Variants in DENND1A observed in about 807,000 individuals in gnomAD.
DENND1A encodes DENN domain containing 1A, also known as DENN domain-containing protein 1A.
DENND1A carries 51 observed loss-of-function variants against 113.7 expected under a neutral mutation model. The observed-to-expected ratio is 0.45, with a 90% confidence interval of 0.36 to 0.57. DENND1A has a LOEUF of 0.57. DENND1A is among the 20% of genes least tolerant of loss of function. DENND1A has a pLI of 0.00. For synonymous variants in DENND1A, 565 were observed against 570.8 expected (o/e 0.99, Z 0.14); for missense variants, 1,258 against 1,395.9 (o/e 0.90, Z 1.57).
At chr9:123,438,933 C>T (rs1323332150) in intron 19 of DENND1A, among the ~76,000 whole-genome samples, 1 of 152,230 alleles carries the variant, frequency 6.6e-6, no homozygotes, top group Non-Finnish European at 1.5e-5. Flanking sequence ...TCCCTCTCCC[C>T]CGCCCCCTCT....
intron 5 of DENND1A, among the ~76,000 whole-genome samples, chr9:123,752,383 A>G (rs1325118950): frequency 6.6e-6 from 1 of 152,260 alleles, no homozygotes; most frequent in Non-Finnish European, 1.5e-5. Flanking sequence ...CAGCATCTTG[A>G]GGAAAAAAGT....
At chr9:123,890,986 C>A (rs898240758) in intron 1 of DENND1A, among the ~76,000 whole-genome samples, 2 of 151,844 alleles carry the variant, frequency 1.3e-5, no homozygotes, top group Admixed American at 1.3e-4. Context: ...TATTATAGGC[C>A]CAATTGTTTT....
chr9:123,516,145 C>T (rs2053886331), intron 13 of DENND1A, among the ~76,000 whole-genome samples: 3 of 75,822 alleles, frequency 4.0e-5, no homozygotes, highest in Non-Finnish European at 8.4e-5. Context: ...CACACACACA[C>T]ACACACACAC....
At chr9:123,917,267 A>G (rs1023040365) in intron 1 of DENND1A, among the ~76,000 whole-genome samples, 1 of 152,144 alleles carries the variant, frequency 6.6e-6, no homozygotes, top group African/African-American at 2.4e-5. Flanking sequence ...AATTCTACTG[A>G]CTTTAAAACA....
At chr9:123,741,954 G>A (rs1225801608) in intron 5 of DENND1A, among the ~76,000 whole-genome samples, 1 of 152,216 alleles carries the variant, frequency 6.6e-6, no homozygotes, top group Admixed American at 6.5e-5. Context: ...GGATAATTCT[G>A]ATGTGTCTAT....
At chr9:123,721,517 C>G (rs2067335607) in intron 5 of DENND1A, among the ~76,000 whole-genome samples, 1 of 152,184 alleles carries the variant, frequency 6.6e-6, no homozygotes. Context: ...AGTGAGCTAC[C>G]TCATGATATG....
At chr9:123,547,424 G>A (rs981879931) in intron 13 of DENND1A, among the ~76,000 whole-genome samples, 2 of 152,214 alleles carry the variant, frequency 1.3e-5, no homozygotes, top group African/African-American at 4.8e-5. Flanking sequence ...AGCTACTCAG[G>A]AGGCTGAGGC....
At chr9:123,762,343 G>C (rs1313721392) in intron 4 of DENND1A, among the ~76,000 whole-genome samples, 2 of 152,162 alleles carry the variant, frequency 1.3e-5, no homozygotes, top group African/African-American at 2.4e-5. Flanking sequence ...AAAAACAAGG[G>C]AGAAAAGCAA....
chr9:123,823,325 T>C (rs1838793924), intron 2 of DENND1A, among the ~76,000 whole-genome samples: 1 of 151,928 alleles, frequency 6.6e-6, no homozygotes, highest in Non-Finnish European at 1.5e-5. Flanking sequence ...TAGGCAAAAG[T>C]AGGGAAAAGG....
chr9:123,606,068 C>T (rs1452620602), intron 11 of DENND1A, among the ~76,000 whole-genome samples: 2 of 152,204 alleles, frequency 1.3e-5, no homozygotes, highest in Non-Finnish European at 2.9e-5. Context: ...GTCTGAGCTA[C>T]AGGTTCCTGC....
At chr9:123,658,107 C>T (rs1415237380) in intron 8 of DENND1A, among the ~76,000 whole-genome samples, 1 of 152,128 alleles carries the variant, frequency 6.6e-6, no homozygotes, top group Non-Finnish European at 1.5e-5. Flanking sequence ...TTTTCTATAT[C>T]ATGGCGCATC....
intron 1 of DENND1A, among the ~76,000 whole-genome samples, chr9:123,922,961 T>C (rs1856520339): frequency 6.6e-6 from 1 of 152,220 alleles, no homozygotes; most frequent in African/African-American, 2.4e-5. Flanking sequence ...CCAATAAAAG[T>C]AGAGAACAAA....
At chr9:123,485,636 G>GCGCGCGCACACA (rs2050749964) in intron 13 of DENND1A, 1 of 93,996 alleles carries the variant, frequency 1.1e-5, no homozygotes, top group African/African-American at 3.4e-5. Flanking sequence ...GTGTGTGCGC[G>GCGCGCGCACACA]TACACACACG....
intron 13 of DENND1A, among the ~76,000 whole-genome samples, chr9:123,552,776 CT>C (rs1485732744): frequency 1.1e-4 from 16 of 152,260 alleles, no homozygotes; most frequent in African/African-American, 3.6e-4. Flanking sequence ...AGACATCCCC[CT>C]GTGTCTGCTC....
intron 13 of DENND1A, among the ~76,000 whole-genome samples, chr9:123,505,727 T>C (rs1278562413): frequency 1.3e-5 from 2 of 152,176 alleles, no homozygotes; most frequent in African/African-American, 4.8e-5. Context: ...ACACAACCGT[T>C]CCACTTAAAA....
At chr9:123,844,860 G>A (rs1842355369) in intron 2 of DENND1A, among the ~76,000 whole-genome samples, 1 of 152,106 alleles carries the variant, frequency 6.6e-6, no homozygotes, top group South Asian at 2.1e-4. Flanking sequence ...ACAGCATTAG[G>A]ATATGAACAG....
rs114622293 is a variant in DENND1A at position 123,566,206 on chromosome 9, T to C, written c.868-8511A>G. 2.4e-3 allele frequency among the ~76,000 whole-genome samples: 370 copies of C among 152,354 alleles called. 2 individuals are homozygous for C. The highest frequency in any genetic ancestry group is 8.6e-3 in the African/African-American group (357 of 41,572). ...TAGATATGTCCATGATACTGGTTTATTTTTTCCCTGATTTAATATATCTCC... is the reference window on the plus strand; with the variant it reads ...TAGATATGTCCATGATACTGGTTTACTTTTTCCCTGATTTAATATATCTCC... On this transcript the variant is annotated intron_variant, in intron 12 of 23. Coordinates refer to ENST00000394215, the MANE Select transcript of DENND1A (RefSeq NM_001352964.2).
chr9:123,522,523 G>A (rs1176578343), intron 13 of DENND1A, among the ~76,000 whole-genome samples: 3 of 152,146 alleles, frequency 2.0e-5, no homozygotes, highest in Non-Finnish European at 2.9e-5. Context: ...GCAAACACTT[G>A]AAAAAGACCC....
intron 2 of DENND1A, among the ~76,000 whole-genome samples, chr9:123,805,079 C>A (rs913091339): frequency 2.0e-5 from 3 of 152,166 alleles, no homozygotes; most frequent in African/African-American, 7.2e-5. Flanking sequence ...ACACAATTCA[C>A]TCTGTCTGAT....
Sources: gnomAD v4.1 joint callset for allele counts (sites outside exome capture counted in the v4.1 genomes callset) on GRCh38, gnomAD v4.1.1 for gene constraint, MANE v1.5 for transcripts, NCBI Gene and HGNC (gene_info 2026-07-23, HGNC 2026-07-21) for gene names.